Variants in CLNK observed in about 807,000 individuals in gnomAD.
CLNK encodes the protein cytokine-dependent hematopoietic cell linker.
Under a neutral mutation model 68.6 loss-of-function variants are expected in CLNK, and 74 were observed. The ratio of observed to expected loss-of-function variants is 1.08; its 90% CI spans 0.89 to 1.31. The LOEUF (loss-of-function observed/expected upper bound fraction) is 1.31. Ranked by LOEUF, CLNK falls within the 50% of genes most tolerant of loss-of-function variation. The pLI, the probability that CLNK is intolerant of heterozygous loss-of-function variation, is 0.00. For missense variants in CLNK, 553 were observed against 515.3 expected (o/e 1.07, Z -0.71); for synonymous variants, 198 against 172.2 (o/e 1.15, Z -1.17).
At chr4:10,518,413 A>T (rs1469845769) in intron 15 of CLNK, among the ~76,000 whole-genome samples, 2 of 152,184 alleles carry the variant, frequency 1.3e-5, no homozygotes, top group African/African-American at 4.8e-5. Context: ...TATTTATTAG[A>T]AAAATTTAAT....
At chr4:10,728,648 G>T in the CLNK span, among the ~76,000 whole-genome samples, 27 of 147,950 alleles carry the variant, frequency 1.8e-4, no homozygotes, top group Non-Finnish European at 3.0e-4. Context: ...CTGTCACCCA[G>T]GCTGGAGTGC....
At chr4:10,538,381 G>T (rs746001432) in intron 11 of CLNK, among the ~76,000 whole-genome samples, 26 of 152,188 alleles carry the variant, frequency 1.7e-4, no homozygotes, top group Non-Finnish European at 3.2e-4. Flanking sequence ...CGCCTGCCTC[G>T]GTCTCCCAAA....
At position 10,501,388 on chromosome 4, in the gene CLNK, A is replaced by G. The variant is rs192132755; in HGVS notation, c.1008T>C (p.Asp336=). 4.3e-6 allele frequency: 7 copies of G among 1,610,088 alleles called. No homozygotes were observed. In the Admixed American group the frequency reaches 5.1e-5, roughly 12 times the overall value. ...ENKDGSFLVR[D]CSTKSKEEPY... is the part of the protein sequence containing the mutation. ...GCTCTTCCTTGGATTTTGTGGAACA[A>G]TCTCGGACCAAGAAACTACCATCCT... The change falls in exon 18 of 19, where the codon GAT becomes GAC. Residue 336 remains aspartate, a synonymous_variant. Coordinates refer to ENST00000226951, the MANE Select transcript of CLNK (RefSeq NM_052964.4).
rs938735906 is a variant in CLNK, at chr4:10,490,653, C to A, written c.1141-40G>T. 1.2e-5 allele frequency: 18 copies of A among 1,518,246 alleles called. No homozygotes were observed. The Admixed American group carries it at 3.0e-4, about 25-fold the overall frequency. The allele number at this position is 1,518,246 out of a possible 1,614,324, so 94.0% of individuals were successfully genotyped here. On this transcript the variant is annotated intron_variant, in intron 18 of 18. Coordinates refer to ENST00000226951, the MANE Select transcript of CLNK (RefSeq NM_052964.4). ...AGAAAGTTAATGACTTTTAAAATAT[C>A]TTTTGTGTCTGTAGGTTAAAGTATA...
At chr4:10,544,650 G>C (rs939309252) in intron 8 of CLNK, among the ~76,000 whole-genome samples, 5 of 152,172 alleles carry the variant, frequency 3.3e-5, no homozygotes, top group Non-Finnish European at 5.9e-5. Context: ...TGGATATCTT[G>C]GGAAGGGGAT....
chr4:10,667,191 T>A (rs933581969), intron 2 of CLNK, among the ~76,000 whole-genome samples: 4 of 152,162 alleles, frequency 2.6e-5, no homozygotes, highest in African/African-American at 9.7e-5. Flanking sequence ...CTCCTGCTCT[T>A]TCTAATACTA....
the CLNK span, among the ~76,000 whole-genome samples, chr4:10,724,669 G>A: frequency 2.6e-5 from 4 of 152,146 alleles, no homozygotes; most frequent in Admixed American, 1.3e-4. Flanking sequence ...AGGAAGAAGA[G>A]AGGAATGAAT....
At chr4:10,726,734 G>A in the CLNK span, among the ~76,000 whole-genome samples, 1 of 152,170 alleles carries the variant, frequency 6.6e-6, no homozygotes, top group African/African-American at 2.4e-5. Flanking sequence ...TTTTAGGGTA[G>A]TTTGAAGTGG....
intron 3 of CLNK, among the ~76,000 whole-genome samples, chr4:10,597,452 G>C (rs1246510060): frequency 6.6e-6 from 1 of 152,200 alleles, no homozygotes; most frequent in Non-Finnish European, 1.5e-5. Flanking sequence ...ACTAGTCTGC[G>C]AGCTCCTTGA....
intron 16 of CLNK, among the ~76,000 whole-genome samples, chr4:10,512,536 G>A (rs755071068): frequency 2.6e-5 from 4 of 151,982 alleles, no homozygotes; most frequent in Non-Finnish European, 4.4e-5. Flanking sequence ...TGGCCAGGAT[G>A]TGAAAATATT....
intron 13 of CLNK, 131 bp from the exon 14 acceptor site, chr4:10,526,053 C>T (rs1298097745): frequency 3.0e-5 from 18 of 605,612 alleles, no homozygotes; most frequent in Non-Finnish European, 5.0e-5. Context: ...TCTTGATGGT[C>T]GGTGGAAACT....
the CLNK span, among the ~76,000 whole-genome samples, chr4:10,733,750 A>G: frequency 6.6e-6 from 1 of 152,102 alleles, no homozygotes; most frequent in Non-Finnish European, 1.5e-5. Context: ...TTGTCCAGAG[A>G]TGCTTTTATC....
At chr4:10,687,237 G>A (rs183744534), upstream of CLNK, among the ~76,000 whole-genome samples, 7 of 151,786 alleles carry the variant, frequency 4.6e-5, no homozygotes, top group Non-Finnish European at 7.4e-5. Flanking sequence ...TACCTTCATG[G>A]AGTTTCGAAT....
intron 7 of CLNK, among the ~76,000 whole-genome samples, chr4:10,562,577 T>C (rs1719941513): frequency 6.6e-6 from 1 of 152,102 alleles, no homozygotes; most frequent in Non-Finnish European, 1.5e-5. Flanking sequence ...GGCTAATTTT[T>C]CTATTTTTAG....
At chr4:10,565,287 AT>A (rs1393062166) in intron 6 of CLNK, among the ~76,000 whole-genome samples, 3 of 152,258 alleles carry the variant, frequency 2.0e-5, no homozygotes, top group Non-Finnish European at 4.4e-5. Flanking sequence ...TGCTTACTGA[AT>A]GAATGAACAA....
intron 2 of CLNK, among the ~76,000 whole-genome samples, chr4:10,616,813 T>TATATATATATATAC (rs1560244234): frequency 1.6e-5 from 1 of 61,740 alleles, no homozygotes; most frequent in Non-Finnish European, 3.2e-5. Flanking sequence ...TATATATATA[T>TATATATATATATAC]ATATATATAT....
At chr4:10,677,650 C>G (rs10938924) in intron 1 of CLNK, among the ~76,000 whole-genome samples, 123,499 of 151,768 alleles carry the variant, frequency 0.81, 50,646 homozygotes, top group Non-Finnish European at 0.86. Context: ...CCATGCTCTT[C>G]TTCACTCTTC....
At chr4:10,503,659 T>C (rs1259776952) in intron 17 of CLNK, among the ~76,000 whole-genome samples, 1 of 149,226 alleles carries the variant, frequency 6.7e-6, no homozygotes, top group Non-Finnish European at 1.5e-5. Flanking sequence ...ATACTTTAAG[T>C]ATACAAAATT....
At chr4:10,694,739 G>A in the CLNK span, among the ~76,000 whole-genome samples, 2 of 152,050 alleles carry the variant, frequency 1.3e-5, no homozygotes, top group Non-Finnish European at 2.9e-5. Flanking sequence ...TGTTATGGTG[G>A]TATATACTAC....
Sources: gnomAD v4.1 joint callset for allele counts (sites outside exome capture counted in the v4.1 genomes callset) on GRCh38, gnomAD v4.1.1 for gene constraint, MANE v1.5 for transcripts, NCBI Gene and HGNC (gene_info 2026-07-23, HGNC 2026-07-21) for gene names.